RNF121: variants seen among roughly 807,000 people sequenced by gnomAD.
The protein encoded by RNF121 is E3 ubiquitin ligase RNF121.
A neutral mutation model predicts 46.5 loss-of-function variants in RNF121; 21 were observed. The observed-to-expected ratio is 0.45, with a 90% CI of 0.32 to 0.65. RNF121 has a LOEUF of 0.65. Ranked by LOEUF, RNF121 falls within the 30% of genes least tolerant of loss-of-function variation. The pLI, the probability that RNF121 is intolerant of heterozygous loss-of-function variation, is 0.04. For synonymous variants in RNF121, 139 were observed against 144.7 expected (o/e 0.96, Z 0.28); for missense variants, 346 against 416.0 (o/e 0.83, Z 1.46).
intron 1 of RNF121, among the ~76,000 whole-genome samples, chr11:71,940,021 A>G (rs1953528268): frequency 6.6e-6 from 1 of 152,214 alleles, no homozygotes; most frequent in African/African-American, 2.4e-5. Flanking sequence ...GACTTCCGAT[A>G]GGGTATGGCA....
At chr11:71,968,224 TA>T (rs1954331788) in intron 3 of RNF121, among the ~76,000 whole-genome samples, 1 of 152,038 alleles carries the variant, frequency 6.6e-6, no homozygotes, top group South Asian at 2.1e-4. Flanking sequence ...CATGCCTAGC[TA>T]ACTCTTTGTA....
intron 3 of RNF121, among the ~76,000 whole-genome samples, chr11:71,967,391 C>T (rs1397615286): frequency 5.7e-4 from 79 of 137,498 alleles, no homozygotes; most frequent in African/African-American, 2.0e-3. Context: ...ACTCTGTCAC[C>T]CAGGCTGGAG....
chr11:71,989,109 G>A (rs1312689239), intron 5 of RNF121, among the ~76,000 whole-genome samples: 1 of 150,992 alleles, frequency 6.6e-6, no homozygotes, highest in East Asian at 1.9e-4. Flanking sequence ...TTTTGAGATG[G>A]AGTCTTGCTT....
chr11:71,984,533 A>G (rs995845730), intron 4 of RNF121, among the ~76,000 whole-genome samples: 5 of 151,172 alleles, frequency 3.3e-5, no homozygotes, highest in Non-Finnish European at 5.9e-5. Context: ...GCCTGCCTCA[A>G]CCTCCCAAAG....
At chr11:71,975,299 G>A (rs954515667) in intron 3 of RNF121, among the ~76,000 whole-genome samples, 14 of 152,200 alleles carry the variant, frequency 9.2e-5, no homozygotes, top group African/African-American at 3.4e-4. Flanking sequence ...TGTAGCTGTG[G>A]TATCTTTATC....
intron 1 of RNF121, among the ~76,000 whole-genome samples, chr11:71,952,541 GC>G (rs1221746208): frequency 6.6e-6 from 1 of 152,210 alleles, no homozygotes; most frequent in Non-Finnish European, 1.5e-5. Context: ...AGGCTCGGTG[GC>G]TCATGCCTGT....
intron 3 of RNF121, among the ~76,000 whole-genome samples, chr11:71,971,795 T>A (rs1234409372): frequency 6.6e-6 from 1 of 152,206 alleles, no homozygotes; most frequent in Non-Finnish European, 1.5e-5. Flanking sequence ...TTGGCAAGGA[T>A]CAAAGGCTGT....
intron 2 of RNF121, among the ~76,000 whole-genome samples, chr11:71,958,093 C>T (rs1209728513): frequency 1.3e-5 from 2 of 152,146 alleles, no homozygotes; most frequent in Non-Finnish European, 2.9e-5. Context: ...AAAAGATGTT[C>T]GTAGAAATAT....
At chr11:71,970,411 A>G (rs1954395650) in intron 3 of RNF121, among the ~76,000 whole-genome samples, 1 of 152,222 alleles carries the variant, frequency 6.6e-6, no homozygotes, top group Non-Finnish European at 1.5e-5. Flanking sequence ...CTCTAATCCC[A>G]GCACTTTGGA....
intron 1 of RNF121, among the ~76,000 whole-genome samples, chr11:71,951,009 G>A (rs775457915): frequency 6.6e-6 from 1 of 152,098 alleles, no homozygotes; most frequent in Non-Finnish European, 1.5e-5. Context: ...CGGATCACCT[G>A]AGGTCGGCAG....
chr11:71,936,668 A>T (rs540007323), intron 1 of RNF121, among the ~76,000 whole-genome samples: 35 of 152,310 alleles, frequency 2.3e-4, no homozygotes, highest in African/African-American at 8.4e-4. Context: ...TGCTGAGATT[A>T]CAGGCGTGAG....
chr11:71,972,664 C>T (rs546338926), intron 3 of RNF121, among the ~76,000 whole-genome samples: 29 of 152,204 alleles, frequency 1.9e-4, no homozygotes, highest in South Asian at 6.2e-4. Context: ...CTAGATGATA[C>T]TGGCACCCTT....
chr11:71,976,231 ATTTG>A (rs1014983595), intron 3 of RNF121, among the ~76,000 whole-genome samples: 3 of 147,652 alleles, frequency 2.0e-5, no homozygotes, highest in Admixed American at 1.4e-4. Flanking sequence ...GGCCATGCTT[ATTTG>A]TTAGTGTTCT....
intron 3 of RNF121, among the ~76,000 whole-genome samples, chr11:71,980,230 A>G (rs1475582457): frequency 6.6e-6 from 1 of 152,120 alleles, no homozygotes; most frequent in Non-Finnish European, 1.5e-5. Flanking sequence ...CTCATGGACC[A>G]GCAGCCAGTA....
intron 6 of RNF121, among the ~76,000 whole-genome samples, chr11:71,993,841 CTT>C (rs531353613): frequency 8.8e-5 from 12 of 136,064 alleles, no homozygotes; most frequent in Admixed American, 1.5e-4. Context: ...GACACTTCCT[CTT>C]TTTTTTTTTT....
intron 6 of RNF121, 140 bp downstream of exon 6, chr11:71,990,857 C>T: frequency 1.0e-6 from 1 of 981,896 alleles, no homozygotes; most frequent in Non-Finnish European, 1.5e-6. Flanking sequence ...TATGCATGGA[C>T]ATTCCTTCCT....
intron 1 of RNF121, among the ~76,000 whole-genome samples, chr11:71,949,728 G>A (rs1220924999): frequency 6.6e-6 from 1 of 151,662 alleles, no homozygotes; most frequent in Non-Finnish European, 1.5e-5. Context: ...CGGGCACGGT[G>A]GCTCACACCT....
intron 3 of RNF121, among the ~76,000 whole-genome samples, chr11:71,969,856 C>T (rs1016781789): frequency 6.6e-6 from 1 of 152,108 alleles, no homozygotes; most frequent in African/African-American, 2.4e-5. Context: ...CATGAGCCAC[C>T]GTGCCAAGCC....
intron 3 of RNF121, among the ~76,000 whole-genome samples, chr11:71,976,747 A>C (rs1364148003): frequency 6.6e-6 from 1 of 152,124 alleles, no homozygotes; most frequent in Non-Finnish European, 1.5e-5. Context: ...ATTTGTGGTC[A>C]ACTGAAACCC....
Sources: allele counts gnomAD v4.1 joint callset (sites outside exome capture counted in the v4.1 genomes callset), GRCh38; gene constraint gnomAD v4.1.1; transcripts MANE v1.5; gene names NCBI Gene and HGNC (gene_info 2026-07-23, HGNC 2026-07-21).